The following CSMD2 variants were observed in gnomAD, a reference collection of about 807,000 sequenced individuals.
CSMD2 encodes CUB and Sushi multiple domains 2, also known as CUB and sushi domain-containing protein 2.
In CSMD2, 130 loss-of-function variants were observed where a neutral mutation model predicts 398.5. The ratio of observed to expected loss-of-function variants is 0.33; its 90% CI spans 0.28 to 0.38. The LOEUF (loss-of-function observed/expected upper bound fraction) is 0.38. Ranked by LOEUF, CSMD2 falls within the 10% of genes least tolerant of loss-of-function variation. CSMD2 has a pLI of 1.00. For missense variants in CSMD2, 3,829 were observed against 4,764.9 expected (o/e 0.80, Z 5.78); for synonymous variants, 1,828 against 1,908.5 (o/e 0.96, Z 1.10).
intron 41 of CSMD2, among the ~76,000 whole-genome samples, chr1:33,607,044 C>A (rs1477352151): frequency 6.6e-6 from 1 of 152,128 alleles, no homozygotes; most frequent in African/African-American, 2.4e-5. Context: ...AAACAAAGTG[C>A]CATAATCAGG....
chr1:33,527,659 A>G (rs1654892752), intron 64 of CSMD2, among the ~76,000 whole-genome samples: 1 of 152,234 alleles, frequency 6.6e-6, no homozygotes, highest in Non-Finnish European at 1.5e-5. Flanking sequence ...TATATACAAA[A>G]GTCTTTTCAA....
chr1:33,613,699 A>C (rs1481696684), intron 40 of CSMD2, among the ~76,000 whole-genome samples: 1 of 152,216 alleles, frequency 6.6e-6, no homozygotes, highest in Non-Finnish European at 1.5e-5. Context: ...CTATGCAGGC[A>C]TAATCCCCTT....
At chr1:33,830,747 A>G (rs1403291479) in intron 6 of CSMD2, among the ~76,000 whole-genome samples, 1 of 152,220 alleles carries the variant, frequency 6.6e-6, no homozygotes, top group African/African-American at 2.4e-5. Context: ...AAAGGCAAAG[A>G]AGTTGAAAAC....
intron 2 of CSMD2, among the ~76,000 whole-genome samples, chr1:34,074,703 G>A (rs1413512630): frequency 6.6e-6 from 1 of 151,878 alleles, no homozygotes; most frequent in African/African-American, 2.4e-5. Context: ...GCCTTGTGGG[G>A]TAGATGGGCA....
intron 2 of CSMD2, among the ~76,000 whole-genome samples, chr1:34,052,457 T>TGG (rs11344432): frequency 1.2e-4 from 15 of 128,456 alleles, no homozygotes; most frequent in South Asian, 2.9e-4. Context: ...TTTATATCCA[T>TGG]GGGGGGGGGG....
chr1:33,945,260 C>A (rs1361968483), intron 3 of CSMD2, among the ~76,000 whole-genome samples: 1 of 152,120 alleles, frequency 6.6e-6, no homozygotes, highest in Non-Finnish European at 1.5e-5. Context: ...AACCCTTCTA[C>A]AGTATAAGGA....
At chr1:34,064,851 G>A (rs6662210) in intron 2 of CSMD2, among the ~76,000 whole-genome samples, 47,227 of 151,968 alleles carry the variant, frequency 0.31, 8,054 homozygotes, top group African/African-American at 0.44. Context: ...AGGCCTCAGA[G>A]TCATGGCAGG....
At chr1:33,693,098 G>C (rs374788408) in intron 24 of CSMD2, 42 bp from the exon 25 acceptor site, 5 of 1,551,538 alleles carry the variant, frequency 3.2e-6, no homozygotes, top group Non-Finnish European at 4.3e-6. Context: ...GGGGTGGCCT[G>C]AGCTGCCAGC....
At chr1:33,739,031 AGAGG>A (rs1646971107) in intron 15 of CSMD2, 105 bp downstream of exon 15, 9 of 1,049,190 alleles carry the variant, frequency 8.6e-6, no homozygotes, top group Non-Finnish European at 1.2e-5. Context: ...TTCTGGGAGA[AGAGG>A]AAGGACCAAC....
chr1:33,518,578 G>A lies in CSMD2; in HGVS notation c.*53+887C>T, dbSNP rs1287985383. 6.6e-6 allele frequency among the ~76,000 whole-genome samples: 1 copy of A among 152,174 alleles called. No individual in the cohort carries two copies. Among genetic ancestry groups the A allele is most frequent in the Admixed American group, 6.5e-5 (1 of 15,280 alleles). On this transcript the variant is annotated intron_variant, in intron 70 of 70. Transcript: ENST00000373381. This position sits in a 1 kb window ranked among gnomAD's most constrained non-coding sequence, Gnocchi z 4.3. ...ATATTGCTGTGAAGGTATCTTTTTA[G>A]ATAAAATTAACTTTGAAATCAGTAG...
intron 7 of CSMD2, among the ~76,000 whole-genome samples, chr1:33,825,481 A>T (rs1292325505): frequency 6.6e-6 from 1 of 152,250 alleles, no homozygotes; most frequent in Non-Finnish European, 1.5e-5. Context: ...GAGGACAAGG[A>T]GGAAAATGGG....
intron 15 of CSMD2, among the ~76,000 whole-genome samples, chr1:33,732,483 T>G (rs1159880865): frequency 6.6e-6 from 1 of 152,000 alleles, no homozygotes; most frequent in Non-Finnish European, 1.5e-5. Flanking sequence ...ACACCAGGGG[T>G]GCATGTGCAC....
At position 33,557,755 on chromosome 1, in the gene CSMD2, G is replaced by A. The variant is rs1053302246; in HGVS notation, c.8722C>T (p.Arg2908Cys). ...LSCQGDGTWD[R>C]PRPQCLLVSC... is the part of the protein sequence containing the mutation. ...TTACAGAGACACTGGGGGCGGGGAC[G>A]GTCCCATGTGCCATCTCCCTGGCAG... Residue 2908 changes from arginine (R) to cysteine (C), a missense_variant, in exon 55 of 71, where the codon CGT (arginine) becomes TGT (cysteine). Arg to Cys is a radical substitution (Grantham distance 180). Coordinates refer to ENST00000373381, the MANE Select transcript of CSMD2 (RefSeq NM_001281956.2). The A allele has an allele frequency of 3.8e-5, 58 of 1,535,860 alleles. No individual in the cohort carries two copies. Among genetic ancestry groups the A allele is most frequent in the East Asian group, 1.5e-4 (6 of 40,916 alleles).
chr1:33,908,815 C>T (rs1181597026), intron 5 of CSMD2, among the ~76,000 whole-genome samples: 3 of 152,206 alleles, frequency 2.0e-5, no homozygotes, highest in South Asian at 2.1e-4. Context: ...TACTGCTCCG[C>T]GGCAGAGCTT....
intron 1 of CSMD2, among the ~76,000 whole-genome samples, chr1:34,140,041 G>A (rs1639122893): frequency 6.6e-6 from 1 of 152,160 alleles, no homozygotes; most frequent in Non-Finnish European, 1.5e-5. Context: ...AGGATAATAA[G>A]CAAAGCCAGG....
At chr1:34,133,812 T>C (rs968671572) in intron 1 of CSMD2, among the ~76,000 whole-genome samples, 1 of 152,018 alleles carries the variant, frequency 6.6e-6, no homozygotes, top group African/African-American at 2.4e-5. Context: ...GACTCACACC[T>C]GTAATCCCAG....
chr1:33,606,140 G>C, intron 41 of CSMD2: 1 of 1,247,080 alleles, frequency 8.0e-7, no homozygotes, highest in Admixed American at 3.1e-5. Context: ...AAGCAGCTGA[G>C]GCCAGTCCAT....
At chr1:33,774,891 T>C (rs116534814) in intron 12 of CSMD2, among the ~76,000 whole-genome samples, 2,828 of 152,262 alleles carry the variant, frequency 0.019, 102 homozygotes, top group African/African-American at 0.063. Context: ...TTACGAACAA[T>C]GCAATGAGCA....
chr1:34,135,880 GA>G (rs1460567513), intron 1 of CSMD2, among the ~76,000 whole-genome samples: 1 of 152,126 alleles, frequency 6.6e-6, no homozygotes, highest in East Asian at 1.9e-4. Flanking sequence ...TAATTCAGAA[GA>G]AACTGTTGAT....
Sources: allele counts gnomAD v4.1 joint callset (sites outside exome capture counted in the v4.1 genomes callset), GRCh38; gene constraint gnomAD v4.1.1; non-coding constraint Gnocchi (gnomAD v3.1); transcripts MANE v1.5; gene names NCBI Gene and HGNC (gene_info 2026-07-23, HGNC 2026-07-21).